Variants in PDSS2 observed in about 807,000 individuals in gnomAD.
PDSS2 encodes decaprenyl diphosphate synthase subunit 2, also known as all trans-polyprenyl-diphosphate synthase PDSS2.
A neutral mutation model predicts 44.5 loss-of-function variants in PDSS2; 31 were observed. That is an observed-to-expected ratio of 0.70 (90% CI 0.52 to 0.94). The LOEUF (loss-of-function observed/expected upper bound fraction) is 0.94, where lower values mean the gene tolerates loss of function less well. PDSS2 is among the 40% of genes least tolerant of loss of function. The pLI, the probability that PDSS2 is intolerant of heterozygous loss-of-function variation, is 0.00. For synonymous variants in PDSS2, 157 were observed against 180.3 expected (o/e 0.87, Z 1.03); for missense variants, 452 against 482.2 (o/e 0.94, Z 0.59).
chr6:107,433,885 TTAA>T (rs1781267322), intron 1 of PDSS2, among the ~76,000 whole-genome samples: 1 of 152,130 alleles, frequency 6.6e-6, no homozygotes, highest in Non-Finnish European at 1.5e-5. Flanking sequence ...TGGCAAAGGA[TTAA>T]TAACAAGAAT....
intron 7 of PDSS2, among the ~76,000 whole-genome samples, chr6:107,175,262 T>C (rs575034196): frequency 2.3e-4 from 35 of 151,704 alleles, no homozygotes; most frequent in Non-Finnish European, 4.1e-4. Context: ...TCTGTATCTA[T>C]ACCTATATCT....
intron 1 of PDSS2, among the ~76,000 whole-genome samples, chr6:107,335,045 A>T (rs749536194): frequency 1.3e-5 from 2 of 151,602 alleles, no homozygotes; most frequent in Non-Finnish European, 2.9e-5. Flanking sequence ...TCAGCTACTC[A>T]GGAGGCTGAC....
intron 7 of PDSS2, among the ~76,000 whole-genome samples, chr6:107,163,525 A>G (rs9386617): frequency 0.029 from 4,422 of 152,326 alleles, 168 homozygotes; most frequent in East Asian, 0.16. Context: ...TAGTTATGAT[A>G]AACCATAAAT....
chr6:107,419,350 G>T (rs1044855338), intron 1 of PDSS2, among the ~76,000 whole-genome samples: 1 of 152,246 alleles, frequency 6.6e-6, no homozygotes, highest in African/African-American at 2.4e-5. Flanking sequence ...CAAAGGAAGA[G>T]AAAAAATAAA....
intron 4 of PDSS2, among the ~76,000 whole-genome samples, chr6:107,219,728 G>C (rs1773535992): frequency 6.6e-6 from 1 of 152,184 alleles, no homozygotes; most frequent in African/African-American, 2.4e-5. Flanking sequence ...TGAACTGTAT[G>C]ATTTCTTATA....
chr6:107,196,689 C>A (rs376686023), intron 6 of PDSS2, among the ~76,000 whole-genome samples: 107 of 152,276 alleles, frequency 7.0e-4, no homozygotes, highest in African/African-American at 2.3e-3. Context: ...TGTATGTTAA[C>A]GAGCTGACTG....
intron 1 of PDSS2, among the ~76,000 whole-genome samples, chr6:107,399,483 GC>G (rs1414462841): frequency 6.6e-6 from 1 of 152,026 alleles, no homozygotes; most frequent in African/African-American, 2.4e-5. Context: ...CCCACCCTTG[GC>G]CAATCTGGGC....
chr6:107,433,122 T>C (rs1293077310), intron 1 of PDSS2, among the ~76,000 whole-genome samples: 1 of 152,174 alleles, frequency 6.6e-6, no homozygotes, highest in Admixed American at 6.5e-5. Flanking sequence ...TCATCCAGGA[T>C]GGAAAAGCTC....
intron 1 of PDSS2, among the ~76,000 whole-genome samples, chr6:107,429,894 AAAAAAAAATAT>A (rs1286395032): frequency 6.6e-5 from 3 of 45,790 alleles, no homozygotes; most frequent in East Asian, 7.9e-4. Context: ...CAAAAAAAAA[AAAAAAAAATAT>A]ATATATATAT....
chr6:107,197,354 C>T (rs1044595776), intron 6 of PDSS2, among the ~76,000 whole-genome samples: 4 of 151,864 alleles, frequency 2.6e-5, no homozygotes, highest in Non-Finnish European at 5.9e-5. Context: ...CCTGTTGTCC[C>T]AGCTACTTGG....
chr6:107,216,499 A>C (rs1159245428), intron 4 of PDSS2, among the ~76,000 whole-genome samples: 1 of 152,260 alleles, frequency 6.6e-6, no homozygotes, highest in Middle Eastern at 3.4e-3. Flanking sequence ...AACAAAAAAC[A>C]AAAAACAAAA....
At chr6:107,170,897 G>A (rs939067994) in intron 7 of PDSS2, among the ~76,000 whole-genome samples, 12 of 151,886 alleles carry the variant, frequency 7.9e-5, no homozygotes, top group African/African-American at 2.9e-4. Flanking sequence ...ACAGGCATGA[G>A]CCACTGCACC....
intron 5 of PDSS2, among the ~76,000 whole-genome samples, chr6:107,211,519 C>A (rs1773207495): frequency 6.6e-6 from 1 of 151,862 alleles, no homozygotes. Flanking sequence ...ATCACGAGGT[C>A]AGGAATTCGA....
intron 1 of PDSS2, among the ~76,000 whole-genome samples, chr6:107,384,180 T>C (rs1398531083): frequency 6.6e-6 from 1 of 152,214 alleles, no homozygotes; most frequent in Non-Finnish European, 1.5e-5. Context: ...CATAATTTCA[T>C]GTATATGAAA....
intron 7 of PDSS2, among the ~76,000 whole-genome samples, chr6:107,187,916 C>T (rs1267372808): frequency 6.6e-6 from 1 of 152,118 alleles, no homozygotes; most frequent in Non-Finnish European, 1.5e-5. Flanking sequence ...TAAATACAAA[C>T]TGATAATTTT....
intron 1 of PDSS2, among the ~76,000 whole-genome samples, chr6:107,355,549 T>G (rs1454421845): frequency 6.6e-6 from 1 of 152,112 alleles, no homozygotes; most frequent in Non-Finnish European, 1.5e-5. Context: ...ACCTAGAAAA[T>G]AGTCTTTCTC....
chr6:107,429,901 A>AAAAAAAAATATATATATATATATAT (rs1166637352), intron 1 of PDSS2, among the ~76,000 whole-genome samples: 1 of 31,856 alleles, frequency 3.1e-5, no homozygotes, highest in Non-Finnish European at 5.3e-5. Context: ...AAAAAAAAAA[A>AAAAAAAAATATATATATATATATAT]ATATATATAT....
chr6:107,264,834 ACAG>A (rs1775359734), intron 3 of PDSS2, among the ~76,000 whole-genome samples: 1 of 152,180 alleles, frequency 6.6e-6, no homozygotes, highest in Non-Finnish European at 1.5e-5. Context: ...CCACATCACT[ACAG>A]CATCCAGTGA....
At position 107,332,555 on chromosome 6, in the gene PDSS2, T is replaced by C. The variant is rs116262715; in HGVS notation, c.431+1643A>G. On this transcript the variant is annotated intron_variant, in intron 2 of 7. Transcript: ENST00000369037. ...TTAACATACTAATTTAATGCTAGTC[T>C]GATCTATAACTGAAATACATATATA... Among the ~76,000 whole-genome samples, 988 of 152,246 alleles carry C rather than the reference T, an allele frequency of 6.5e-3. 15 individuals carry two copies. Among genetic ancestry groups the C allele is most frequent in the African/African-American group, 0.023 (952 of 41,538 alleles).
Sources: allele counts gnomAD v4.1 joint callset (sites outside exome capture counted in the v4.1 genomes callset), GRCh38; gene constraint gnomAD v4.1.1; transcripts MANE v1.5; gene names NCBI Gene and HGNC (gene_info 2026-07-23, HGNC 2026-07-21).